Variants in COPZ2 observed in about 807,000 individuals in gnomAD.
COPZ2 encodes coat protein complex I subunit zeta 2.
Under a neutral mutation model 33.2 loss-of-function variants are expected in COPZ2, and 30 were observed. That is an observed-to-expected ratio of 0.90 (90% CI 0.68 to 1.23). COPZ2 has a LOEUF of 1.23. Among genes scored for constraint, COPZ2 ranks in the 50% most tolerant of loss-of-function variants. The pLI is 0.00. For missense variants in COPZ2, 263 were observed against 262.4 expected, an observed-to-expected ratio of 1.00 and a Z score of -0.02; for synonymous variants, 89 against 102.6, an observed-to-expected ratio of 0.87 and a Z score of 0.80.
the COPZ2 span, chr17:48,046,988 T>C: frequency 6.6e-6 from 1 of 152,232 alleles, no homozygotes; most frequent in South Asian, 2.1e-4. Flanking sequence ...AGGTAAAACA[T>C]GCTCTCTGAA....
intron 2 of COPZ2, among the ~76,000 whole-genome samples, chr17:48,034,985 CA>C (rs922286109): frequency 7.5e-5 from 11 of 146,746 alleles, no homozygotes; most frequent in Non-Finnish European, 9.0e-5. Context: ...GACTCCGTCT[CA>C]AAAAAAAAAG....
At chr17:48,031,944 T>G in intron 6 of COPZ2, 2 of 598,874 alleles carry the variant, frequency 3.3e-6, no homozygotes, top group Non-Finnish European at 6.0e-6. Context: ...GTCTCTTGTT[T>G]GGCTTGACTT....
upstream of COPZ2, chr17:48,037,897 C>T (rs2037018574): frequency 4.1e-6 from 4 of 964,550 alleles, no homozygotes; most frequent in Admixed American, 6.2e-5. This position sits in a 1 kb window ranked among gnomAD's most constrained non-coding sequence, Gnocchi z 5.6. Context: ...GGGCCCCGTC[C>T]TCTTGCTCGT....
rs766288098 is a variant in COPZ2, at chr17:48,032,241, T to C, written c.417-8A>G. 1.2e-6 allele frequency: 2 copies of C among 1,610,606 alleles called. No individual in the cohort carries two copies. The highest frequency in any genetic ancestry group is 2.2e-5 in the East Asian group (1 of 44,794). ...CGCTTCTCCACGTTCTTCCTGAAGG[T>C]GGACACAAGCTCCTGAGCCTCCCTG... On this transcript the variant is annotated splice_region_variant and splice_polypyrimidine_tract_variant and intron_variant, in intron 5 of 8. Coordinates refer to ENST00000621465, the MANE Select transcript of COPZ2 (RefSeq NM_016429.4).
At chr17:48,035,840 G>A (rs2144312474) in intron 2 of COPZ2, among the ~76,000 whole-genome samples, 1 of 141,680 alleles carries the variant, frequency 7.1e-6, no homozygotes, top group East Asian at 2.1e-4. Context: ...TGCAACCTCT[G>A]CCTCCCAGGT....
In COPZ2 at chr17:48,037,693, G is replaced by T. The variant is rs1264565261; in HGVS notation, c.85C>A (p.Arg29=). 16 of 1,097,412 alleles carry T rather than the reference G, an allele frequency of 1.5e-5. No homozygotes were observed. Among genetic ancestry groups the T allele is most frequent in the South Asian group, 4.3e-5 (1 of 23,514 alleles). 68.0% of individuals were successfully genotyped at this position (1,097,412 alleles called of 1,614,324 possible). ...CGCAGCCCCGAGGGCTCCCCGGCTC[G>T]AGCAGGCGGCGCCGGGCCCCCGGCC... The part of the protein sequence containing the change: ...AQAGGPAPPA[R]AGEPSGLRLQ... The change falls in exon 1 of 9, where the codon CGA becomes AGA. Residue 29 remains arginine, a synonymous_variant. Coordinates refer to ENST00000621465, the MANE Select transcript of COPZ2 (RefSeq NM_016429.4). The surrounding 1 kb of genome is among the most constrained non-coding windows in gnomAD (Gnocchi z 5.6).
At chr17:48,046,241 T>A in the COPZ2 span, 2 of 152,266 alleles carry the variant, frequency 1.3e-5, no homozygotes, top group Non-Finnish European at 2.9e-5. Context: ...CCAACTTTAG[T>A]ATGCTCTTTT....
In COPZ2 at chr17:48,033,956, G is replaced by A; in HGVS notation, c.187-12C>T. ...GTGTCATCATAATACTATGAGAAAG[G>A]GAAGGAGAAAGGACCATAGCTTTCC... is the stretch of plus-strand genomic sequence containing the variant. On this transcript the variant is annotated splice_polypyrimidine_tract_variant and intron_variant, in intron 2 of 8. Transcript: ENST00000621465. The A allele has an allele frequency of 6.3e-7, 1 of 1,584,958 alleles. No homozygotes were observed. Among genetic ancestry groups the A allele is most frequent in the Non-Finnish European group, 8.6e-7 (1 of 1,158,004 alleles).
chr17:48,043,775 G>A, the COPZ2 span, among the ~76,000 whole-genome samples: 1 of 152,104 alleles, frequency 6.6e-6, no homozygotes, highest in East Asian at 1.9e-4. Context: ...GCTCGGGATG[G>A]CCCAACTAGT....
upstream of COPZ2, among the ~76,000 whole-genome samples, chr17:48,042,306 T>A (rs2037070258): frequency 1.3e-5 from 2 of 151,916 alleles, no homozygotes; most frequent in Admixed American, 6.6e-5. Flanking sequence ...GCTAATTTTT[T>A]TTATTTTTAG....
intron 2 of COPZ2, among the ~76,000 whole-genome samples, chr17:48,035,256 T>G (rs749952040): frequency 6.6e-6 from 1 of 152,214 alleles, no homozygotes; most frequent in African/African-American, 2.4e-5. Context: ...GGGCAAGGTG[T>G]GGTCAGCTCA....
chr17:48,045,732 T>A, the COPZ2 span: 2 of 152,100 alleles, frequency 1.3e-5, no homozygotes, highest in African/African-American at 4.8e-5. Flanking sequence ...GTCTTCTCAG[T>A]CTGATTTAAT....
intron 6 of COPZ2, among the ~76,000 whole-genome samples, chr17:48,030,138 T>C (rs188858467): frequency 6.7e-6 from 1 of 150,046 alleles, no homozygotes; most frequent in East Asian, 2.0e-4. Flanking sequence ...ACAAAAAAAA[T>C]TAGCCGGTAA....
At chr17:48,043,695 G>T in the COPZ2 span, 1 of 265,014 alleles carries the variant, frequency 3.8e-6, no homozygotes, top group Non-Finnish European at 5.8e-6. Flanking sequence ...CTTCCTCCAG[G>T]CATGAATGGC....
At chr17:48,036,515 A>G (rs2036985230) in intron 2 of COPZ2, among the ~76,000 whole-genome samples, 1 of 152,210 alleles carries the variant, frequency 6.6e-6, no homozygotes, top group Non-Finnish European at 1.5e-5. Context: ...GACAAACCCC[A>G]AAGAACAAAA....
In COPZ2 at chr17:48,037,725, G is replaced by T; in HGVS notation, c.53C>A (p.Ala18Glu). ...PRPHPGEGAAAAQAGGPAPPA... is the reference protein window; with the variant it reads ...PRPHPGEGAAEAQAGGPAPPA... ...CGGCGCCGGGCCCCCGGCCTGGGCCGCCGCGGCCCCCTCCCCCGGGTGCGG... is the reference window on the plus strand; with the variant it reads ...CGGCGCCGGGCCCCCGGCCTGGGCCTCCGCGGCCCCCTCCCCCGGGTGCGG... Residue 18 changes from alanine to glutamate, a missense_variant, in exon 1 of 9, where the codon GCG becomes GAG. Physicochemically the swap from Ala to Glu is moderately radical, Grantham distance 107 (BLOSUM62 -1). Transcript: ENST00000621465. The surrounding 1 kb of genome is among the most constrained non-coding windows in gnomAD (Gnocchi z 5.6). The T allele has an allele frequency of 9.4e-7, 1 of 1,063,166 alleles. No individual in the cohort carries two copies. Among genetic ancestry groups the T allele is most frequent in the Non-Finnish European group, 1.1e-6 (1 of 883,920 alleles). 65.9% of individuals were successfully genotyped at this position (1,063,166 alleles called of 1,614,324 possible). A position where few individuals can be genotyped will look rare whatever the true frequency, so the allele number is the denominator to read the frequency against.
At position 48,037,662 on chromosome 17, in the gene COPZ2, C is replaced by T; in HGVS notation, c.111+5G>A. On this transcript the variant is annotated splice_donor_5th_base_variant and intron_variant, in intron 1 of 8. Transcript: ENST00000621465. The surrounding 1 kb of genome is among the most constrained non-coding windows in gnomAD (Gnocchi z 5.6). ...CCGGGATCCCCGCGCCCGCCCGCTC[C>T]GTACCCGCAGCCCCGAGGGCTCCCC... 1 of 1,089,474 alleles carries T rather than the reference C, an allele frequency of 9.2e-7. No individual in the cohort carries two copies. The highest frequency in any genetic ancestry group is 1.1e-6 in the Non-Finnish European group (1 of 898,280). 67.5% of individuals were successfully genotyped at this position (1,089,474 alleles called of 1,614,324 possible).
upstream of COPZ2, among the ~76,000 whole-genome samples, chr17:48,040,361 C>T (rs1297662808): frequency 6.6e-6 from 1 of 151,966 alleles, no homozygotes; most frequent in Non-Finnish European, 1.5e-5. Flanking sequence ...GTGTGACCCA[C>T]CTCACCTGGC....
intron 8 of COPZ2, among the ~76,000 whole-genome samples, chr17:48,027,225 A>G (rs1315931081): frequency 1.3e-5 from 2 of 152,134 alleles, no homozygotes; most frequent in African/African-American, 4.8e-5. Flanking sequence ...TTTATCCCCC[A>G]TTGGCTACCT....
Sources: gnomAD v4.1 joint callset for allele counts (sites outside exome capture counted in the v4.1 genomes callset) on GRCh38, gnomAD v4.1.1 for gene constraint, Gnocchi (gnomAD v3.1) non-coding constraint, MANE v1.5 for transcripts, NCBI Gene and HGNC (gene_info 2026-07-23, HGNC 2026-07-21) for gene names.